The following WDR41 variants were observed in gnomAD, a reference collection of about 807,000 sequenced individuals.
The protein encoded by WDR41 is WD repeat domain 41.
In WDR41, 63 loss-of-function variants were observed where a neutral mutation model predicts 69.3. The observed-to-expected ratio is 0.91, with a 90% confidence interval of 0.74 to 1.12. The LOEUF is 1.12. Among genes scored for constraint, WDR41 ranks in the 50% most tolerant of loss-of-function variants. The pLI is 0.00. For missense variants in WDR41, 543 were observed against 534.5 expected, an observed-to-expected ratio of 1.02 and a Z score of -0.16; for synonymous variants, 185 against 192.1, an observed-to-expected ratio of 0.96 and a Z score of 0.31.
chr5:77,514,737 G>A (rs1311320520), intron 1 of WDR41, among the ~76,000 whole-genome samples: 1 of 152,150 alleles, frequency 6.6e-6, no homozygotes, highest in African/African-American at 2.4e-5. Flanking sequence ...TACACACCTA[G>A]GCTATATGGT....
intron 2 of WDR41, among the ~76,000 whole-genome samples, chr5:77,474,138 A>G (rs1800768845): frequency 6.6e-6 from 1 of 152,162 alleles, no homozygotes; most frequent in Non-Finnish European, 1.5e-5. Flanking sequence ...CTTTGTAGGG[A>G]CATGGATGAA....
intron 1 of WDR41, among the ~76,000 whole-genome samples, chr5:77,555,056 C>T (rs1324761498): frequency 6.7e-6 from 1 of 150,098 alleles, no homozygotes; most frequent in Middle Eastern, 3.2e-3. Flanking sequence ...CACTGCATTC[C>T]AGCTTGGGTG....
At chr5:77,555,311 A>C (rs2112247705) in intron 1 of WDR41, among the ~76,000 whole-genome samples, 1 of 152,234 alleles carries the variant, frequency 6.6e-6, no homozygotes, top group South Asian at 2.1e-4. Flanking sequence ...TCTTTTATTT[A>C]ATTCATTTAT....
intron 1 of WDR41, among the ~76,000 whole-genome samples, chr5:77,523,765 A>C (rs1802407620): frequency 6.6e-6 from 1 of 152,226 alleles, no homozygotes; most frequent in Non-Finnish European, 1.5e-5. Flanking sequence ...TAAAGAATAA[A>C]TATCAAATTG....
chr5:77,596,990 T>C (rs772026995), intron 1 of WDR41, among the ~76,000 whole-genome samples: 1 of 151,800 alleles, frequency 6.6e-6, no homozygotes, highest in Non-Finnish European at 1.5e-5. Flanking sequence ...GGCATAGTAG[T>C]GCACACCTGT....
chr5:77,450,342 C>G (rs528856215), intron 7 of WDR41, among the ~76,000 whole-genome samples: 1 of 152,316 alleles, frequency 6.6e-6, no homozygotes, highest in East Asian at 1.9e-4. Flanking sequence ...TAAAAAGCTT[C>G]TGATTCCTAG....
intron 12 of WDR41, among the ~76,000 whole-genome samples, chr5:77,433,695 T>A (rs1798819012): frequency 6.6e-6 from 1 of 152,120 alleles, no homozygotes; most frequent in Non-Finnish European, 1.5e-5. Context: ...AATCCATAGG[T>A]GTTAAGTGTC....
intron 1 of WDR41, among the ~76,000 whole-genome samples, chr5:77,569,479 A>G (rs1328868812): frequency 6.6e-6 from 1 of 152,120 alleles, no homozygotes; most frequent in Admixed American, 6.6e-5. Flanking sequence ...CCTATCAACC[A>G]CCCAGAGCTC....
chr5:77,452,798 G>A (rs1160813550), intron 6 of WDR41: 1 of 152,114 alleles, frequency 6.6e-6, no homozygotes, highest in African/African-American at 2.4e-5. Context: ...GCAAAACAAA[G>A]GGAGACTGCA....
intron 8 of WDR41, among the ~76,000 whole-genome samples, chr5:77,448,901 A>G (rs1455386141): frequency 6.6e-6 from 1 of 151,896 alleles, no homozygotes; most frequent in Non-Finnish European, 1.5e-5. Context: ...ACACAAACAA[A>G]AAAAACAAAG....
rs528443689 is a variant in WDR41 at position 77,475,845 on chromosome 5, A to G, written c.168-11036T>C. Among the ~76,000 whole-genome samples the G allele has an allele frequency of 9.2e-5, 14 of 152,336 alleles. No individual in the cohort carries two copies. The South Asian group carries it at 2.3e-3, about 25-fold the overall frequency. On this transcript the variant is annotated intron_variant, in intron 2 of 12. Transcript: ENST00000296679. ...AGAATGACTTTGACAAGCTGAGAGA[A>G]GAAGGCTTCAGACGATGAAATTACT...
intron 1 of WDR41, among the ~76,000 whole-genome samples, chr5:77,511,552 T>A (rs1402474274): frequency 6.6e-6 from 1 of 152,172 alleles, no homozygotes; most frequent in African/African-American, 2.4e-5. Flanking sequence ...CAACACTGTA[T>A]CACATTAGAT....
chr5:77,451,564 A>G, intron 6 of WDR41: 1 of 542,952 alleles, frequency 1.8e-6, no homozygotes, highest in Non-Finnish European at 3.3e-6. Context: ...TTGATTTATT[A>G]AGAGCAGAAT....
rs771206165 is a variant in WDR41, at chr5:77,432,303, G to C, written c.*832C>G. Reference sequence around the variant, plus strand: ...GGAGAAAACATATTGTTACAAGGCTGGTTATAGTGTCTCAATGGACACTGC... The same window carrying C: ...GGAGAAAACATATTGTTACAAGGCTCGTTATAGTGTCTCAATGGACACTGC... On this transcript the variant is annotated 3_prime_UTR_variant, in exon 13 of 13. Coordinates refer to ENST00000296679, the MANE Select transcript of WDR41 (RefSeq NM_018268.4). The C allele has an allele frequency of 1.3e-5, 2 of 152,214 alleles. No individual in the cohort carries two copies. Among genetic ancestry groups the C allele is most frequent in the African/African-American group, 2.4e-5 (1 of 41,434 alleles). 9.4% of individuals were successfully genotyped at this position (152,214 alleles called of 1,614,324 possible).
rs1801116661 is a variant in WDR41 at position 77,479,351 on chromosome 5, G to A, written c.167+10106C>T. Among the ~76,000 whole-genome samples the A allele has an allele frequency of 2.0e-5, 3 of 152,164 alleles. No homozygotes were observed. The South Asian group carries it at 6.2e-4, about 32-fold the overall frequency. ...AAAGTTCATATGGAACCAAAAAAGA[G>A]CCCGCATCACCAAGTCAATCCTAAG... is the stretch of plus-strand genomic sequence containing the variant. On this transcript the variant is annotated intron_variant, in intron 2 of 12. Coordinates refer to ENST00000296679, the MANE Select transcript of WDR41 (RefSeq NM_018268.4).
At chr5:77,546,431 G>A (rs1361579698) in intron 1 of WDR41, among the ~76,000 whole-genome samples, 2 of 151,972 alleles carry the variant, frequency 1.3e-5, no homozygotes, top group Non-Finnish European at 2.9e-5. Flanking sequence ...GAAATGAAAT[G>A]GGAGATATTA....
intron 1 of WDR41, among the ~76,000 whole-genome samples, chr5:77,609,302 G>A (rs895831002): frequency 1.3e-5 from 2 of 152,192 alleles, no homozygotes; most frequent in Admixed American, 1.3e-4. Flanking sequence ...GAAGAGAGCA[G>A]TGGTTCTCCC....
intron 2 of WDR41, among the ~76,000 whole-genome samples, chr5:77,488,160 CA>C (rs1801605875): frequency 6.6e-6 from 1 of 152,230 alleles, no homozygotes; most frequent in Admixed American, 6.5e-5. Context: ...AAGTGGCCTA[CA>C]AACCCATACA....
chr5:77,594,743 GA>G (rs1034900451), intron 1 of WDR41, among the ~76,000 whole-genome samples: 1 of 151,738 alleles, frequency 6.6e-6, no homozygotes. Context: ...AGCTACAGGG[GA>G]AAAAAAGCTG....
Sources: gnomAD v4.1 joint callset for allele counts (sites outside exome capture counted in the v4.1 genomes callset) on GRCh38, gnomAD v4.1.1 for gene constraint, MANE v1.5 for transcripts, NCBI Gene and HGNC (gene_info 2026-07-23, HGNC 2026-07-21) for gene names.